The following LTBP1 variants were observed in gnomAD, a reference collection of about 807,000 sequenced individuals.
LTBP1 encodes latent transforming growth factor beta binding protein 1.
Under a neutral mutation model 207.6 loss-of-function variants are expected in LTBP1, and 129 were observed. That is an observed-to-expected ratio of 0.62 (90% CI 0.54 to 0.72). The LOEUF (loss-of-function observed/expected upper bound fraction) is 0.72, where lower values mean the gene tolerates loss of function less well. LTBP1 is among the 30% of genes least tolerant of loss of function. The pLI, the probability that LTBP1 is intolerant of heterozygous loss-of-function variation, is 0.00. For missense variants in LTBP1, 2,281 were observed against 2,217.2 expected, an observed-to-expected ratio of 1.03 and a Z score of -0.58; for synonymous variants, 963 against 833.7, an observed-to-expected ratio of 1.16 and a Z score of -2.67.
rs2080581091 is a variant in LTBP1 at position 33,114,084 on chromosome 2, C to T, written c.1033+3333C>T. 2.6e-5 allele frequency among the ~76,000 whole-genome samples: 4 copies of T among 152,174 alleles called. 1 individual carries two copies. Among genetic ancestry groups the T allele is most frequent in the South Asian group, 4.1e-4 (2 of 4,836 alleles). On this transcript the variant is annotated intron_variant, in intron 4 of 33. Transcript: ENST00000404816. ...CTCGAACTCCTGACCTCAAGTGATCCGCCCACTTTGGCCTTGCCAAGTGCT... is the reference window on the plus strand; with the variant it reads ...CTCGAACTCCTGACCTCAAGTGATCTGCCCACTTTGGCCTTGCCAAGTGCT...
At chr2:33,373,117 C>T (rs1341099198) in intron 31 of LTBP1, among the ~76,000 whole-genome samples, 1 of 152,098 alleles carries the variant, frequency 6.6e-6, no homozygotes, top group East Asian at 1.9e-4. Context: ...ACTTGATAAA[C>T]GGGACAACTA....
At chr2:32,989,296 G>A (rs1458288019) in intron 2 of LTBP1, among the ~76,000 whole-genome samples, 1 of 152,198 alleles carries the variant, frequency 6.6e-6, no homozygotes, top group Admixed American at 6.5e-5. Context: ...TTTATAAATA[G>A]ATGCAAAATG....
intron 31 of LTBP1, 88 bp from the exon 32 acceptor site, chr2:33,389,096 G>C: frequency 6.4e-7 from 1 of 1,572,612 alleles, no homozygotes; most frequent in Non-Finnish European, 8.7e-7. Context: ...GGGTGTGCTG[G>C]CAGATTCCCG....
At chr2:33,189,882 C>A (rs2087653487) in intron 7 of LTBP1, among the ~76,000 whole-genome samples, 1 of 151,916 alleles carries the variant, frequency 6.6e-6, no homozygotes, top group African/African-American at 2.4e-5. Flanking sequence ...AAAAAATTAG[C>A]CCGGCGTGGT....
rs188277822 is a variant in LTBP1, at chr2:32,975,945, T to C, written c.565+27000T>C. 5.5e-4 allele frequency among the ~76,000 whole-genome samples: 84 copies of C among 152,318 alleles called. 1 individual carries two copies. Among genetic ancestry groups the C allele is most frequent in the Non-Finnish European group, 9.6e-4 (65 of 68,034 alleles). The stretch of plus-strand genomic sequence containing the variant: ...TAGTTAAGGACCATTGCTGGGGAAC[T>C]TGTGTGGTTGTTTGGAGGTAAGAAG... On this transcript the variant is annotated intron_variant, in intron 2 of 33. Coordinates refer to ENST00000404816, the MANE Select transcript of LTBP1 (RefSeq NM_206943.4).
At chr2:33,354,707 CA>C (rs1198974533) in intron 26 of LTBP1, among the ~76,000 whole-genome samples, 7 of 151,104 alleles carry the variant, frequency 4.6e-5, no homozygotes, top group Non-Finnish European at 8.9e-5. Context: ...CACACACACA[CA>C]CACACACACA....
intron 25 of LTBP1, among the ~76,000 whole-genome samples, chr2:33,346,912 C>T (rs886269896): frequency 6.6e-6 from 1 of 151,958 alleles, no homozygotes; most frequent in Non-Finnish European, 1.5e-5. Context: ...GTCAGGAGAT[C>T]GAGACCATCC....
intron 15 of LTBP1, among the ~76,000 whole-genome samples, chr2:33,269,970 T>TC: frequency 6.6e-6 from 1 of 151,226 alleles, no homozygotes; most frequent in South Asian, 2.1e-4. Context: ...TTCAACTTTT[T>TC]TTTTTTTTTT....
intron 2 of LTBP1, among the ~76,000 whole-genome samples, chr2:32,968,179 A>G (rs1339659554): frequency 6.6e-6 from 1 of 151,996 alleles, no homozygotes; most frequent in African/African-American, 2.4e-5. Context: ...TGTTGGCCAT[A>G]CTGGTCTTGA....
chr2:33,296,117 G>T (rs906887864), intron 20 of LTBP1, among the ~76,000 whole-genome samples: 2 of 152,098 alleles, frequency 1.3e-5, no homozygotes, highest in Admixed American at 1.3e-4. Context: ...CCATACACTG[G>T]ATCAATGGTG....
At chr2:32,959,956 C>T (rs1468713944) in intron 2 of LTBP1, among the ~76,000 whole-genome samples, 1 of 151,950 alleles carries the variant, frequency 6.6e-6, no homozygotes, top group African/African-American at 2.4e-5. Context: ...GTAGAGTCTC[C>T]ATCCTCCCAT....
chr2:33,341,035 T>G (rs905207377), intron 24 of LTBP1, among the ~76,000 whole-genome samples: 1 of 152,220 alleles, frequency 6.6e-6, no homozygotes, highest in Admixed American at 6.5e-5. Context: ...AACATAAAAG[T>G]ACAATCTTCA....
At chr2:33,290,072 A>G (rs1558955099) in intron 19 of LTBP1, among the ~76,000 whole-genome samples, 1 of 152,232 alleles carries the variant, frequency 6.6e-6, no homozygotes, top group Non-Finnish European at 1.5e-5. Context: ...GCGTCTTAAT[A>G]TGCTGGAGAA....
intron 24 of LTBP1, among the ~76,000 whole-genome samples, chr2:33,331,733 A>G (rs1035541331): frequency 6.6e-6 from 1 of 152,112 alleles, no homozygotes; most frequent in Non-Finnish European, 1.5e-5. Context: ...AATCATCTAT[A>G]TCCCTACCGA....
At chr2:33,265,619 A>G (rs933613657) in intron 15 of LTBP1, among the ~76,000 whole-genome samples, 1 of 152,214 alleles carries the variant, frequency 6.6e-6, no homozygotes, top group Non-Finnish European at 1.5e-5. Context: ...GATATAGAGT[A>G]TTATACCAGT....
intron 2 of LTBP1, among the ~76,000 whole-genome samples, chr2:32,959,619 A>ATTTTTTTTTTTTTTTTTTTTT (rs1378144146): frequency 4.2e-5 from 2 of 48,098 alleles, no homozygotes; most frequent in Non-Finnish European, 3.6e-5. Context: ...ATATATATAT[A>ATTTTTTTTTTTTTTTTTTTTT]TATTTTTTTT....
chr2:33,361,520 G>A lies in LTBP1; in HGVS notation c.4270+5G>A, dbSNP rs1559068393. 1 of 1,605,222 alleles carries A rather than the reference G, an allele frequency of 6.2e-7. No homozygotes were observed. On this transcript the variant is annotated splice_donor_5th_base_variant and intron_variant, in intron 28 of 33. Transcript: ENST00000404816. ...CTGGTGGTGAGAACTATAAAGGTCA[G>A]AATCAAGTGGAAACAAATTTTCAGC...
At chr2:32,951,766 T>A (rs1003262826) in intron 2 of LTBP1, among the ~76,000 whole-genome samples, 1 of 152,186 alleles carries the variant, frequency 6.6e-6, no homozygotes, top group African/African-American at 2.4e-5. Flanking sequence ...TATTAGAGAT[T>A]AGTATTGGAT....
intron 5 of LTBP1, among the ~76,000 whole-genome samples, chr2:33,152,433 T>C (rs1320032316): frequency 6.6e-6 from 1 of 152,160 alleles, no homozygotes; most frequent in Non-Finnish European, 1.5e-5. Context: ...TTGGCGTGGA[T>C]GTGGTGAACA....
Sources: gnomAD v4.1 joint callset for allele counts (sites outside exome capture counted in the v4.1 genomes callset) on GRCh38, gnomAD v4.1.1 for gene constraint, MANE v1.5 for transcripts, NCBI Gene and HGNC (gene_info 2026-07-23, HGNC 2026-07-21) for gene names.